Variants in CDH18 observed in about 807,000 individuals in gnomAD.
CDH18 encodes cadherin-18.
In CDH18, 31 loss-of-function variants were observed where a neutral mutation model predicts 67.9. That is an observed-to-expected ratio of 0.46 (90% CI 0.34 to 0.62). The LOEUF (loss-of-function observed/expected upper bound fraction) is 0.62. Ranked by LOEUF, CDH18 falls within the 20% of genes least tolerant of loss-of-function variation. CDH18 has a pLI of 0.01. For synonymous variants in CDH18, 362 were observed against 347.2 expected (o/e 1.04, Z -0.48); for missense variants, 890 against 975.5 (o/e 0.91, Z 1.17).
chr5:19,815,352 GT>G, intron 3 of CDH18, among the ~76,000 whole-genome samples: 1 of 152,066 alleles, frequency 6.6e-6, no homozygotes, highest in Non-Finnish European at 1.5e-5. Flanking sequence ...ATGAAAACAT[GT>G]TTATATAGTT....
chr5:20,185,501 C>T (rs1302251665), intron 2 of CDH18, among the ~76,000 whole-genome samples: 6 of 152,064 alleles, frequency 3.9e-5, no homozygotes, highest in Non-Finnish European at 8.8e-5. Context: ...CTTGGTCACT[C>T]TTAGTTCTTT....
chr5:19,573,050 C>G (rs1741709235), intron 7 of CDH18, among the ~76,000 whole-genome samples: 1 of 152,050 alleles, frequency 6.6e-6, no homozygotes, highest in Non-Finnish European at 1.5e-5. Flanking sequence ...TGAGGATAAG[C>G]CACTACAATA....
Position 20,355,097 on chromosome 5 carries a change from A to C in CDH18, c.-579-99592T>G, listed in dbSNP as rs138908599. ...AGGTGTCAGATATCCATAATGGTGT[A>C]AATGTTCTCCCAGACATCTCCAGCT... On this transcript the variant is annotated intron_variant, in intron 1 of 14. Transcript: ENST00000507958. Among the ~76,000 whole-genome samples, 18 of 152,298 alleles carry C rather than the reference A, an allele frequency of 1.2e-4. No homozygotes were observed. In the East Asian group the frequency reaches 3.5e-3, roughly 29 times the overall value.
At chr5:20,087,398 T>C (rs1023048109) in intron 2 of CDH18, among the ~76,000 whole-genome samples, 2 of 152,126 alleles carry the variant, frequency 1.3e-5, no homozygotes, top group Admixed American at 1.3e-4. Context: ...CTTGAGATAA[T>C]TGACTCCAAT....
At chr5:20,111,113 A>T (rs1377198129) in intron 2 of CDH18, among the ~76,000 whole-genome samples, 1 of 152,218 alleles carries the variant, frequency 6.6e-6, no homozygotes, top group Admixed American at 6.5e-5. Flanking sequence ...GGTAATTCCT[A>T]TACAATTATA....
chr5:19,971,893 G>A (rs1395205100), intron 2 of CDH18, among the ~76,000 whole-genome samples: 1 of 151,694 alleles, frequency 6.6e-6, no homozygotes, highest in African/African-American at 2.4e-5. Flanking sequence ...GTGAATCGAG[G>A]TGATCTGCCA....
chr5:20,407,924 T>G (rs916093341), intron 1 of CDH18, among the ~76,000 whole-genome samples: 3 of 151,942 alleles, frequency 2.0e-5, no homozygotes, highest in African/African-American at 7.2e-5. Context: ...TCTCTCTGCC[T>G]CAATAAGATA....
chr5:19,775,728 G>T (rs1274656974), intron 3 of CDH18, among the ~76,000 whole-genome samples: 1 of 152,122 alleles, frequency 6.6e-6, no homozygotes, highest in East Asian at 1.9e-4. Flanking sequence ...AGCTATATCA[G>T]TAGCTGAGGC....
intron 5 of CDH18, among the ~76,000 whole-genome samples, chr5:19,695,452 C>T (rs900155877): frequency 2.0e-5 from 3 of 152,146 alleles, no homozygotes; most frequent in Non-Finnish European, 2.9e-5. Context: ...TCTGCTTATA[C>T]AGCAGAAATA....
chr5:19,978,595 T>G (rs1474933967), intron 2 of CDH18, among the ~76,000 whole-genome samples: 1 of 152,158 alleles, frequency 6.6e-6, no homozygotes, highest in East Asian at 1.9e-4. Context: ...AAGTCTCAAC[T>G]GAGCTAAAAT....
intron 1 of CDH18, among the ~76,000 whole-genome samples, chr5:20,490,216 A>C (rs887519575): frequency 1.3e-5 from 2 of 152,072 alleles, no homozygotes; most frequent in African/African-American, 2.4e-5. Context: ...TTTTATGATC[A>C]AAAGGCTTTA....
At chr5:20,347,903 C>A (rs552280871) in intron 1 of CDH18, among the ~76,000 whole-genome samples, 1 of 152,138 alleles carries the variant, frequency 6.6e-6, no homozygotes, top group Non-Finnish European at 1.5e-5. Flanking sequence ...TTTCTGGAAA[C>A]TTGCTTTCCA....
chr5:19,660,139 T>C (rs1756960944), intron 5 of CDH18, among the ~76,000 whole-genome samples: 2 of 152,156 alleles, frequency 1.3e-5, no homozygotes, highest in Non-Finnish European at 1.5e-5. Context: ...TCAGTTTCTA[T>C]AAGTCGTTTT....
intron 2 of CDH18, among the ~76,000 whole-genome samples, chr5:19,899,567 AAC>A (rs1209612780): frequency 6.6e-6 from 1 of 152,124 alleles, no homozygotes; most frequent in African/African-American, 2.4e-5. Flanking sequence ...AAAAATTAAT[AAC>A]ACAATTACCA....
intron 2 of CDH18, among the ~76,000 whole-genome samples, chr5:19,857,799 A>C (rs10052023): frequency 0.49 from 74,203 of 151,930 alleles, 18,298 homozygotes; most frequent in Middle Eastern, 0.63. Context: ...TACATTTTAT[A>C]CCTCAGTTAG....
chr5:20,276,372 G>A (rs1021333220), intron 1 of CDH18, among the ~76,000 whole-genome samples: 1 of 152,158 alleles, frequency 6.6e-6, no homozygotes, highest in African/African-American at 2.4e-5. Flanking sequence ...AGGGAACTGG[G>A]CAGAGTCCTG....
At chr5:20,179,623 T>C (rs1737523352) in intron 2 of CDH18, among the ~76,000 whole-genome samples, 1 of 152,214 alleles carries the variant, frequency 6.6e-6, no homozygotes, top group Middle Eastern at 3.4e-3. Context: ...GGGATTACAA[T>C]TGGTCAGGGA....
intron 1 of CDH18, among the ~76,000 whole-genome samples, chr5:20,461,136 G>A (rs541963442): frequency 6.6e-6 from 1 of 152,270 alleles, no homozygotes; most frequent in African/African-American, 2.4e-5. Context: ...TTGGGTGTCT[G>A]ACAGCCACAC....
chr5:19,619,085 G>A (rs1051480384), intron 5 of CDH18, among the ~76,000 whole-genome samples: 1 of 151,936 alleles, frequency 6.6e-6, no homozygotes, highest in Non-Finnish European at 1.5e-5. Context: ...ATTTTATGAA[G>A]ATAATGCATC....
Sources: gnomAD v4.1 joint callset for allele counts (sites outside exome capture counted in the v4.1 genomes callset) on GRCh38, gnomAD v4.1.1 for gene constraint, MANE v1.5 for transcripts, NCBI Gene and HGNC (gene_info 2026-07-23, HGNC 2026-07-21) for gene names.